The following C1orf198 variants were observed in gnomAD, a reference collection of about 807,000 sequenced individuals.
The protein encoded by C1orf198 is chromosome 1 open reading frame 198.
C1orf198 carries 17 observed loss-of-function variants against 31.4 expected under a neutral mutation model. That is an observed-to-expected ratio of 0.54 (90% CI 0.37 to 0.81). C1orf198 has a LOEUF of 0.81. C1orf198 is among the 40% of genes least tolerant of loss of function. The probability of loss-of-function intolerance (pLI) is 0.00; values close to 1 mark genes in which losing one functional copy is unlikely to be tolerated. For missense variants in C1orf198, 401 were observed against 450.3 expected, an observed-to-expected ratio of 0.89 and a Z score of 0.99; for synonymous variants, 175 against 193.8, an observed-to-expected ratio of 0.90 and a Z score of 0.81.
rs1669520930 is a variant in C1orf198 at position 230,843,982 on chromosome 1, C to G, written c.385-86G>C. The G allele has an allele frequency of 7.3e-7, 1 of 1,375,236 alleles. No homozygotes were observed. The highest frequency in any genetic ancestry group is 9.8e-7 in the Non-Finnish European group (1 of 1,023,608). The allele number at this position is 1,375,236 out of a possible 1,614,324, so 85.2% of individuals were successfully genotyped here. On this transcript the variant is annotated intron_variant, in intron 2 of 3. Coordinates refer to ENST00000366663, the MANE Select transcript of C1orf198 (RefSeq NM_032800.3). The surrounding 1 kb of genome is among the most constrained non-coding windows in gnomAD (Gnocchi z 4.9). ...AAGTGTGCCAGCTCACGCACCCCTC[C>G]TCAGCATAAGGACGCACACCAGCCA...
rs1349480704 is a variant in C1orf198 at position 230,843,976 on chromosome 1, C to A, written c.385-80G>T. The A allele has an allele frequency of 8.5e-6, 12 of 1,403,510 alleles. No individual in the cohort carries two copies. The highest frequency in any genetic ancestry group is 1.0e-5 in the Non-Finnish European group (11 of 1,048,994). The allele number at this position is 1,403,510 out of a possible 1,614,324, so 86.9% of individuals were successfully genotyped here. On this transcript the variant is annotated intron_variant, in intron 2 of 3. Coordinates refer to ENST00000366663, the MANE Select transcript of C1orf198 (RefSeq NM_032800.3). This position sits in a 1 kb window ranked among gnomAD's most constrained non-coding sequence, Gnocchi z 4.9. ...CGTCACAAGTGTGCCAGCTCACGCA[C>A]CCCTCCTCAGCATAAGGACGCACAC... is the stretch of plus-strand genomic sequence containing the variant.
At chr1:230,841,506 T>C (rs1026692327) in intron 3 of C1orf198, among the ~76,000 whole-genome samples, 1 of 152,130 alleles carries the variant, frequency 6.6e-6, no homozygotes, top group African/African-American at 2.4e-5. Context: ...CCAAAGAAGA[T>C]ACACAGATGG....
rs1375809999 is a variant in C1orf198 at position 230,838,420 on chromosome 1, G to A, written c.*1432C>T. 6.6e-6 allele frequency: 1 copy of A among 152,384 alleles called. No individual in the cohort carries two copies. Among genetic ancestry groups the A allele is most frequent in the Non-Finnish European group, 1.5e-5 (1 of 68,032 alleles). The allele number at this position is 152,384 out of a possible 1,614,324, so 9.4% of individuals were successfully genotyped here. A position where few individuals can be genotyped will look rare whatever the true frequency, so the allele number is the denominator to read the frequency against. ...CTTTGGCAGAAACTTTCCTGGAGAT[G>A]ATGAGGGGTTGAGGTGAGTTGCTAT... is the stretch of plus-strand genomic sequence containing the variant. On this transcript the variant is annotated 3_prime_UTR_variant, in exon 4 of 4. Coordinates refer to ENST00000366663, the MANE Select transcript of C1orf198 (RefSeq NM_032800.3). This position sits in a 1 kb window ranked among gnomAD's most constrained non-coding sequence, Gnocchi z 4.2.
Position 230,837,152 on chromosome 1 carries a change from A to G in C1orf198, c.*2700T>C, listed in dbSNP as rs1669322511. 6.5e-6 allele frequency: 1 copy of G among 152,682 alleles called. No homozygotes were observed. The allele number at this position is 152,682 out of a possible 1,614,324, so 9.5% of individuals were successfully genotyped here. ...TTTAAATGGCTTTATTAAAGGCTAC[A>G]AGTATAAAATATGACTAAGTTACAA... On this transcript the variant is annotated 3_prime_UTR_variant, in exon 4 of 4. Coordinates refer to ENST00000366663, the MANE Select transcript of C1orf198 (RefSeq NM_032800.3).
intron 2 of C1orf198, among the ~76,000 whole-genome samples, chr1:230,851,552 T>G (rs1160192687): frequency 1.3e-5 from 2 of 152,028 alleles, no homozygotes; most frequent in Non-Finnish European, 2.9e-5. Context: ...AGCAGTAGCA[T>G]GAGACAGGAA....
At chr1:230,844,121 CAG>C (rs1366437486) in intron 2 of C1orf198, among the ~76,000 whole-genome samples, 1 of 151,962 alleles carries the variant, frequency 6.6e-6, no homozygotes, top group Non-Finnish European at 1.5e-5. Context: ...GGCCGGGTGA[CAG>C]AGTGTGGGTG....
chr1:230,858,929 G>A (rs1669941224), intron 1 of C1orf198, among the ~76,000 whole-genome samples: 1 of 152,162 alleles, frequency 6.6e-6, no homozygotes, highest in African/African-American at 2.4e-5. Flanking sequence ...GGGGGTCACA[G>A]GAGGAGAAAG....
In C1orf198 at chr1:230,840,851, G is replaced by A. The variant is rs890014799; in HGVS notation, c.928-943C>T. On this transcript the variant is annotated intron_variant, in intron 3 of 3. Coordinates refer to ENST00000366663, the MANE Select transcript of C1orf198 (RefSeq NM_032800.3). This position sits in a 1 kb window ranked among gnomAD's most constrained non-coding sequence, Gnocchi z 4.0. ...GCTACATGTGAGACTGGTGCAGAGT[G>A]AGGCAAAACATGCAGAATGGAAGGA... 1.3e-5 allele frequency among the ~76,000 whole-genome samples: 2 copies of A among 152,218 alleles called. No individual in the cohort carries two copies. The highest frequency in any genetic ancestry group is 2.9e-5 in the Non-Finnish European group (2 of 68,038).
chr1:230,854,911 G>GTCC (rs1202811878), intron 2 of C1orf198, among the ~76,000 whole-genome samples: 1 of 152,126 alleles, frequency 6.6e-6, no homozygotes, highest in Non-Finnish European at 1.5e-5. Context: ...CTGCCCAGCA[G>GTCC]TCCGAGCCCT....
chr1:230,854,330 A>T (rs1429667651), intron 2 of C1orf198, among the ~76,000 whole-genome samples: 1 of 152,162 alleles, frequency 6.6e-6, no homozygotes. Context: ...GAGCCCATAG[A>T]AGAGGAATAT....
intron 2 of C1orf198, among the ~76,000 whole-genome samples, chr1:230,846,997 G>C (rs978834070): frequency 1.3e-5 from 2 of 151,714 alleles, no homozygotes; most frequent in African/African-American, 4.9e-5. Context: ...CAGCTACTTG[G>C]GAGGCTGAGG....
intron 2 of C1orf198, among the ~76,000 whole-genome samples, chr1:230,853,828 T>A (rs1669803218): frequency 6.6e-6 from 1 of 152,204 alleles, no homozygotes; most frequent in African/African-American, 2.4e-5. Flanking sequence ...TATGCTGGCA[T>A]CTGTGGACAA....
At position 230,868,138 on chromosome 1, in the gene C1orf198, C is replaced by A. The variant is rs970337240; in HGVS notation, c.333+42G>T. The A allele has an allele frequency of 7.1e-5, 87 of 1,228,606 alleles. No individual in the cohort carries two copies. The Admixed American group carries it at 2.0e-3, about 29-fold the overall frequency. 76.1% of individuals were successfully genotyped at this position (1,228,606 alleles called of 1,614,324 possible). ...CCCACCGGGCCGGGGCGCCTCGGGG[C>A]GCCGGGAGGGGAAGAGGGTCCGCGG... On this transcript the variant is annotated intron_variant, in intron 1 of 3. Coordinates refer to ENST00000366663, the MANE Select transcript of C1orf198 (RefSeq NM_032800.3).
intron 1 of C1orf198, among the ~76,000 whole-genome samples, chr1:230,865,328 T>G (rs1670094781): frequency 6.6e-6 from 1 of 152,050 alleles, no homozygotes; most frequent in African/African-American, 2.4e-5. Context: ...CAAAATGGGG[T>G]TGGGTGGCTG....
intron 2 of C1orf198, among the ~76,000 whole-genome samples, chr1:230,846,688 C>T (rs148257786): frequency 3.9e-5 from 6 of 152,362 alleles, no homozygotes; most frequent in Middle Eastern, 6.8e-3. Context: ...ATGGGCTGGA[C>T]GCGGTGGCTC....
chr1:230,846,208 A>G (rs2102976741), intron 2 of C1orf198, among the ~76,000 whole-genome samples: 1 of 152,368 alleles, frequency 6.6e-6, no homozygotes, highest in Middle Eastern at 3.4e-3. Flanking sequence ...TTGGATGCAT[A>G]CTATCAAATC....
Position 230,868,330 on chromosome 1 carries a change from C to G in C1orf198, c.183G>C (p.Leu61=). 1 of 1,595,864 alleles carries G rather than the reference C, an allele frequency of 6.3e-7. No homozygotes were observed. Among genetic ancestry groups the G allele is most frequent in the Non-Finnish European group, 8.5e-7 (1 of 1,172,138 alleles). ...REKYGPEWAR[L]PPAQQDEIID... ...TGATCTCGTCCTGCTGCGCGGGCGG[C>G]AGCCGCGCCCACTCGGGCCCGTACT... Residue 61 remains leucine (L), a synonymous_variant, in exon 1 of 4, where the codon CTG becomes CTC. Coordinates refer to ENST00000366663, the MANE Select transcript of C1orf198 (RefSeq NM_032800.3).
intron 2 of C1orf198, among the ~76,000 whole-genome samples, chr1:230,845,677 C>A (rs1231870148): frequency 1.3e-5 from 2 of 148,746 alleles, no homozygotes; most frequent in East Asian, 3.9e-4. Flanking sequence ...GAATGAAACT[C>A]CATTTCAAAA....
chr1:230,867,590 A>C (rs1362945995), intron 1 of C1orf198, among the ~76,000 whole-genome samples: 1 of 152,198 alleles, frequency 6.6e-6, no homozygotes, highest in African/African-American at 2.4e-5. Flanking sequence ...TCTTAGGGTG[A>C]TGGATGGGTT....
Sources: allele counts gnomAD v4.1 joint callset (sites outside exome capture counted in the v4.1 genomes callset), GRCh38; gene constraint gnomAD v4.1.1; non-coding constraint Gnocchi (gnomAD v3.1); transcripts MANE v1.5; gene names NCBI Gene and HGNC (gene_info 2026-07-23, HGNC 2026-07-21).